IFT43: variants seen among roughly 807,000 people sequenced by gnomAD.
The protein encoded by IFT43 is intraflagellar transport protein 43 homolog.
Under a neutral mutation model 32.3 loss-of-function variants are expected in IFT43, and 33 were observed. That is an observed-to-expected ratio of 1.02 (90% CI 0.77 to 1.37). The LOEUF is 1.37. Ranked by LOEUF, IFT43 falls within the 40% of genes most tolerant of loss-of-function variation. The probability of loss-of-function intolerance (pLI) is 0.00; values close to 1 mark genes in which losing one functional copy is unlikely to be tolerated. For synonymous variants in IFT43, 93 were observed against 98.2 expected, an observed-to-expected ratio of 0.95 and a Z score of 0.31; for missense variants, 274 against 265.9, an observed-to-expected ratio of 1.03 and a Z score of -0.21.
chr14:76,009,517 T>C (rs2036040249), intron 2 of IFT43, among the ~76,000 whole-genome samples: 1 of 152,244 alleles, frequency 6.6e-6, no homozygotes, highest in Non-Finnish European at 1.5e-5. Context: ...TTGTAGCCTG[T>C]GTTCTCTCTA....
intron 3 of IFT43, among the ~76,000 whole-genome samples, chr14:76,055,594 C>T (rs543412619): frequency 3.9e-5 from 6 of 152,270 alleles, no homozygotes; most frequent in African/African-American, 1.4e-4. Flanking sequence ...TAAAAAACAT[C>T]GTGCTAGATT....
chr14:76,056,094 A>G (rs908104103), intron 3 of IFT43, among the ~76,000 whole-genome samples: 1 of 152,228 alleles, frequency 6.6e-6, no homozygotes, highest in African/African-American at 2.4e-5. Context: ...GAACAAAACA[A>G]AAAATAGACA....
At chr14:75,986,395 T>A in intron 1 of IFT43, 1 of 728,572 alleles carries the variant, frequency 1.4e-6, no homozygotes, top group Non-Finnish European at 1.9e-6. Context: ...AGGGAGTGAT[T>A]AGGTGCTCAG....
chr14:76,034,501 T>C (rs1204328710), intron 3 of IFT43, among the ~76,000 whole-genome samples: 1 of 152,212 alleles, frequency 6.6e-6, no homozygotes, highest in Non-Finnish European at 1.5e-5. Context: ...ATATGTGCAT[T>C]ACACCAACTC....
intron 3 of IFT43, among the ~76,000 whole-genome samples, chr14:76,052,005 C>T (rs2036922626): frequency 6.6e-6 from 1 of 152,210 alleles, no homozygotes; most frequent in Non-Finnish European, 1.5e-5. Flanking sequence ...TCGCATAGGG[C>T]CTTCCACGGG....
In IFT43 at chr14:76,082,778, T is replaced by C. The variant is rs1024204237; in HGVS notation, c.444+86T>C. 27 of 1,022,400 alleles carry C rather than the reference T, an allele frequency of 2.6e-5. No homozygotes were observed. In the Admixed American group the frequency reaches 4.6e-4, roughly 17 times the overall value. The allele number at this position is 1,022,400 out of a possible 1,614,324, so 63.3% of individuals were successfully genotyped here. On this transcript the variant is annotated intron_variant, in intron 7 of 8. Coordinates refer to ENST00000314067, the MANE Select transcript of IFT43 (RefSeq NM_001102564.3). ...AGATTTCTCAGTTCCTCCCAAGCTA[T>C]ACAGCGCCTCCACCAGTCCCCTGAG... is the stretch of plus-strand genomic sequence containing the variant.
intron 2 of IFT43, among the ~76,000 whole-genome samples, chr14:75,999,488 T>C (rs1466949125): frequency 6.6e-6 from 1 of 151,684 alleles, no homozygotes; most frequent in Non-Finnish European, 1.5e-5. Flanking sequence ...CATTTACTTA[T>C]TTATCCTACA....
At chr14:76,079,443 G>A (rs954112346) in intron 5 of IFT43, among the ~76,000 whole-genome samples, 3 of 152,162 alleles carry the variant, frequency 2.0e-5, no homozygotes, top group African/African-American at 7.2e-5. Flanking sequence ...GCGTGAGTCT[G>A]ATCTTCATTT....
In IFT43 at chr14:76,059,378, G is replaced by A; in HGVS notation, c.295+5G>A. The A allele has an allele frequency of 6.2e-7, 1 of 1,613,866 alleles. No homozygotes were observed. Among genetic ancestry groups the A allele is most frequent in the Non-Finnish European group, 8.5e-7 (1 of 1,179,760 alleles). On this transcript the variant is annotated splice_donor_5th_base_variant and intron_variant, in intron 5 of 8. Transcript: ENST00000314067. The stretch of plus-strand genomic sequence containing the variant: ...ATGGATCAGATTATGGAGGAGGTAA[G>A]AGGCCCTTGGAGGAAGTCAAAAGGT...
At chr14:76,055,824 T>G (rs2037003240) in intron 3 of IFT43, among the ~76,000 whole-genome samples, 1 of 152,216 alleles carries the variant, frequency 6.6e-6, no homozygotes, top group Non-Finnish European at 1.5e-5. Context: ...TCTTTTTGCC[T>G]CCTCATATTT....
intron 3 of IFT43, among the ~76,000 whole-genome samples, chr14:76,031,935 ATTTATG>A (rs2036516347): frequency 6.6e-6 from 1 of 152,184 alleles, no homozygotes; most frequent in African/African-American, 2.4e-5. Flanking sequence ...TGACTCCAGA[ATTTATG>A]TTTATATTTC....
chr14:76,007,790 T>C (rs1566704242), intron 2 of IFT43, among the ~76,000 whole-genome samples: 1 of 152,188 alleles, frequency 6.6e-6, no homozygotes, highest in Non-Finnish European at 1.5e-5. Flanking sequence ...GGGGCATGTC[T>C]TTATAAGTGT....
rs548080955 is a variant in IFT43 at position 76,006,225 on chromosome 14, G to A, written c.148-16102G>A. Reference sequence around the variant, plus strand: ...GATGCTGTGCTGAGCACTAGGAAAGGTTAATCTAAAAAGGCCTCTAGAGTT... The same window carrying A: ...GATGCTGTGCTGAGCACTAGGAAAGATTAATCTAAAAAGGCCTCTAGAGTT... On this transcript the variant is annotated intron_variant, in intron 2 of 8. Transcript: ENST00000314067. Among the ~76,000 whole-genome samples, 78 of 152,290 alleles carry A rather than the reference G, an allele frequency of 5.1e-4. 1 individual carries two copies. Among genetic ancestry groups the A allele is most frequent in the African/African-American group, 1.7e-3 (71 of 41,572 alleles).
At chr14:76,074,709 A>G (rs1232340545) in intron 5 of IFT43, among the ~76,000 whole-genome samples, 2 of 152,174 alleles carry the variant, frequency 1.3e-5, no homozygotes, top group Non-Finnish European at 2.9e-5. Flanking sequence ...ACATGCTAAC[A>G]TCCCTCTGTG....
intron 3 of IFT43, among the ~76,000 whole-genome samples, chr14:76,046,135 A>G (rs1368073736): frequency 6.6e-6 from 1 of 152,222 alleles, no homozygotes; most frequent in African/African-American, 2.4e-5. Flanking sequence ...CTTTTTAGAC[A>G]GGAATAAACA....
chr14:76,071,901 G>C lies in IFT43; in HGVS notation c.296-10394G>C, dbSNP rs532169426. Reference sequence around the variant, plus strand: ...GTGCTGGGACTCAGACGTGGTCTTTGTGTCTCCTAACCCCCCCTGCTCACA... The same window carrying C: ...GTGCTGGGACTCAGACGTGGTCTTTCTGTCTCCTAACCCCCCCTGCTCACA... On this transcript the variant is annotated intron_variant, in intron 5 of 8. Coordinates refer to ENST00000314067, the MANE Select transcript of IFT43 (RefSeq NM_001102564.3). Among the ~76,000 whole-genome samples, 15 of 152,064 alleles carry C rather than the reference G, an allele frequency of 9.9e-5. No homozygotes were observed. The South Asian group carries it at 2.1e-3, about 21-fold the overall frequency.
intron 3 of IFT43, among the ~76,000 whole-genome samples, chr14:76,037,695 T>TTC (rs1321884875): frequency 6.6e-6 from 1 of 151,632 alleles, no homozygotes; most frequent in Non-Finnish European, 1.5e-5. Flanking sequence ...TTCTCTGTTT[T>TTC]TTTTTTTTTA....
intron 3 of IFT43, among the ~76,000 whole-genome samples, chr14:76,029,162 T>G (rs941069932): frequency 2.0e-5 from 3 of 152,200 alleles, no homozygotes; most frequent in Admixed American, 2.0e-4. Context: ...ATAGCCATTC[T>G]GACAGGTATG....
At chr14:76,037,269 G>C (rs1313908565) in intron 3 of IFT43, among the ~76,000 whole-genome samples, 1 of 152,210 alleles carries the variant, frequency 6.6e-6, no homozygotes, top group Non-Finnish European at 1.5e-5. Context: ...TTGCCTTGAA[G>C]GCACAGGTAT....
Sources: gnomAD v4.1 joint callset for allele counts (sites outside exome capture counted in the v4.1 genomes callset) on GRCh38, gnomAD v4.1.1 for gene constraint, MANE v1.5 for transcripts, NCBI Gene and HGNC (gene_info 2026-07-23, HGNC 2026-07-21) for gene names.